DPYD: variants seen among roughly 807,000 people sequenced by gnomAD.
DPYD encodes the protein dihydropyrimidine dehydrogenase [NADP(+)].
In DPYD, 109 loss-of-function variants were observed where a neutral mutation model predicts 116.2. The ratio of observed to expected loss-of-function variants is 0.94; its 90% CI spans 0.80 to 1.10. The LOEUF is 1.10. Among genes scored for constraint, DPYD ranks in the 50% least tolerant of loss-of-function variants. DPYD has a pLI of 0.00. For missense variants in DPYD, 1,302 were observed against 1,254.5 expected (o/e 1.04, Z -0.57); for synonymous variants, 440 against 432.0 (o/e 1.02, Z -0.23).
chr1:97,516,257 A>G lies in DPYD; in HGVS notation c.1525-316T>C, dbSNP rs956855094. ...AGAATTTTTCTCCCTGGTCCAATCC[A>G]GTCTCTTTGTACTTAAGTTATGAAA... On this transcript the variant is annotated intron_variant, in intron 12 of 22. Coordinates refer to ENST00000370192, the MANE Select transcript of DPYD (RefSeq NM_000110.4). Among the ~76,000 whole-genome samples the G allele has an allele frequency of 4.6e-5, 7 of 152,170 alleles. No individual in the cohort carries two copies. In the South Asian group the frequency reaches 6.2e-4, roughly 13 times the overall value.
chr1:97,091,678 A>C (rs1416879151), intron 21 of DPYD, among the ~76,000 whole-genome samples: 4 of 152,202 alleles, frequency 2.6e-5, no homozygotes, highest in Admixed American at 2.6e-4. Flanking sequence ...TAGAATTTGA[A>C]TAGAGCTGTG....
chr1:97,257,640 C>T (rs1663590363), intron 18 of DPYD, among the ~76,000 whole-genome samples: 1 of 151,596 alleles, frequency 6.6e-6, no homozygotes. Flanking sequence ...AAAAAAGTTT[C>T]ATACCATCAA....
At chr1:97,611,698 C>T (rs1456772081) in intron 8 of DPYD, among the ~76,000 whole-genome samples, 3 of 151,976 alleles carry the variant, frequency 2.0e-5, no homozygotes, top group Non-Finnish European at 4.4e-5. Flanking sequence ...TGAGTCCTGA[C>T]TCTGCTACTT....
At chr1:97,364,717 G>T (rs1215314864) in intron 16 of DPYD, among the ~76,000 whole-genome samples, 1 of 152,108 alleles carries the variant, frequency 6.6e-6, no homozygotes, top group Non-Finnish European at 1.5e-5. Flanking sequence ...GCACCACCTC[G>T]TGTTTGTCTG....
rs376395547 is a variant in DPYD at position 97,595,039 on chromosome 1, T to C, written c.958+20A>G. On this transcript the variant is annotated intron_variant, in intron 9 of 22. Transcript: ENST00000370192. Reference sequence around the variant, plus strand: ...AAAATAGCATACTCACTATTAAGCATAAAAGACAATATGTTATACCTGCTT... The same window carrying C: ...AAAATAGCATACTCACTATTAAGCACAAAAGACAATATGTTATACCTGCTT... 12 of 1,556,484 alleles carry C rather than the reference T, an allele frequency of 7.7e-6. No homozygotes were observed. The African/African-American group carries it at 1.4e-4, about 18-fold the overall frequency.
chr1:97,598,909 CTA>C (rs1655064894), intron 8 of DPYD, among the ~76,000 whole-genome samples: 1 of 152,140 alleles, frequency 6.6e-6, no homozygotes, highest in African/African-American at 2.4e-5. Context: ...GTTGTAGAGT[CTA>C]TGTTATGAGT....
intron 12 of DPYD, among the ~76,000 whole-genome samples, chr1:97,526,516 A>G (rs530034023): frequency 1.3e-5 from 2 of 152,304 alleles, no homozygotes; most frequent in East Asian, 3.9e-4. Context: ...ATTTTTAAAA[A>G]TATTTTAAAA....
At chr1:97,153,290 C>G (rs936822076) in intron 20 of DPYD, among the ~76,000 whole-genome samples, 1 of 152,158 alleles carries the variant, frequency 6.6e-6, no homozygotes, top group Non-Finnish European at 1.5e-5. Context: ...CATCCACACT[C>G]CCTTCCACAT....
At chr1:97,385,536 A>AC (rs1672293128) in intron 14 of DPYD, among the ~76,000 whole-genome samples, 4 of 149,272 alleles carry the variant, frequency 2.7e-5, no homozygotes, top group Non-Finnish European at 6.0e-5. Context: ...AAAAAAAAAA[A>AC]AACAAAATAA....
intron 20 of DPYD, among the ~76,000 whole-genome samples, chr1:97,119,911 A>G (rs990231728): frequency 1.3e-5 from 2 of 152,190 alleles, no homozygotes; most frequent in African/African-American, 4.8e-5. Flanking sequence ...AGTGCTTCAA[A>G]CATCTCTTCA....
At chr1:97,543,975 A>AG (rs1650638399) in intron 12 of DPYD, among the ~76,000 whole-genome samples, 1 of 152,194 alleles carries the variant, frequency 6.6e-6, no homozygotes, top group African/African-American at 2.4e-5. Flanking sequence ...AGTGGGGGAA[A>AG]GGCCCAGATT....
intron 14 of DPYD, among the ~76,000 whole-genome samples, chr1:97,387,350 C>G (rs1672410287): frequency 6.6e-6 from 1 of 152,070 alleles, no homozygotes; most frequent in South Asian, 2.1e-4. Flanking sequence ...TTCGTGTATT[C>G]AACTTCTAAC....
chr1:97,607,264 G>A (rs184126725), intron 8 of DPYD, among the ~76,000 whole-genome samples: 52 of 152,056 alleles, frequency 3.4e-4, no homozygotes, highest in African/African-American at 1.2e-3. Flanking sequence ...GGTCAAAGCT[G>A]AGTCTCAGCT....
At chr1:97,864,278 A>G (rs2101600185) in intron 2 of DPYD, among the ~76,000 whole-genome samples, 1 of 152,100 alleles carries the variant, frequency 6.6e-6, no homozygotes, top group South Asian at 2.1e-4. Context: ...AGAAGCGGGC[A>G]GAGTGGGCTA....
intron 16 of DPYD, among the ~76,000 whole-genome samples, chr1:97,335,137 G>A (rs560547445): frequency 3.3e-5 from 5 of 152,190 alleles, no homozygotes; most frequent in Admixed American, 6.6e-5. Flanking sequence ...TTTTGTAGAG[G>A]CTGCTTCCTA....
At chr1:97,654,502 A>G in intron 8 of DPYD, among the ~76,000 whole-genome samples, 1 of 152,148 alleles carries the variant, frequency 6.6e-6, no homozygotes, top group East Asian at 1.9e-4. Flanking sequence ...GAGTTATAAT[A>G]AAGTAATATA....
chr1:97,133,338 A>G (rs1378151630), intron 20 of DPYD, among the ~76,000 whole-genome samples: 2 of 152,052 alleles, frequency 1.3e-5, no homozygotes, highest in Non-Finnish European at 1.5e-5. Flanking sequence ...ATACAATGGT[A>G]TCATAGCTTT....
At chr1:97,678,605 G>A (rs1430355341) in intron 8 of DPYD, among the ~76,000 whole-genome samples, 6 of 152,224 alleles carry the variant, frequency 3.9e-5, no homozygotes, top group Non-Finnish European at 1.5e-5. Context: ...AGTGCCTCAG[G>A]AGTAATACAC....
chr1:97,509,056 C>A (rs1647578973), intron 13 of DPYD, among the ~76,000 whole-genome samples: 1 of 151,908 alleles, frequency 6.6e-6, no homozygotes, highest in South Asian at 2.1e-4. Flanking sequence ...GGCCATCAGC[C>A]AGCCACCAAA....
Sources: allele counts gnomAD v4.1 joint callset (sites outside exome capture counted in the v4.1 genomes callset), GRCh38; gene constraint gnomAD v4.1.1; transcripts MANE v1.5; gene names NCBI Gene and HGNC (gene_info 2026-07-23, HGNC 2026-07-21).